The following ARHGEF6 variants were observed in gnomAD, a reference collection of about 807,000 sequenced individuals.
ARHGEF6 encodes the protein rho guanine nucleotide exchange factor 6.
A neutral mutation model predicts 70.3 loss-of-function variants in ARHGEF6; 9 were observed. The observed-to-expected ratio is 0.13, with a 90% confidence interval of 0.08 to 0.22. The LOEUF is 0.22. Ranked by LOEUF, ARHGEF6 falls within the 10% of genes least tolerant of loss-of-function variation. The pLI is 1.00. For missense variants in ARHGEF6, 470 were observed against 563.0 expected, an observed-to-expected ratio of 0.83 and a Z score of 1.67; for synonymous variants, 201 against 207.8, an observed-to-expected ratio of 0.97 and a Z score of 0.28.
intron 2 of ARHGEF6, among the ~76,000 whole-genome samples, chrX:136,774,650 CAAAA>C (rs10712642): frequency 3.5e-5 from 2 of 56,902 alleles, no homozygotes; most frequent in Non-Finnish European, 6.6e-5. Context: ...AACTCTGTCT[CAAAA>C]AAAAAAAAAA....
At position 136,708,743 on chromosome X, in the gene ARHGEF6, T is replaced by G. The variant is rs2148617517; in HGVS notation, c.855A>C (p.Leu285Phe). The G allele has an allele frequency of 8.3e-7, 1 of 1,201,506 alleles. No individual in the cohort carries two copies. Among genetic ancestry groups the G allele is most frequent in the Non-Finnish European group, 1.1e-6 (1 of 887,266 alleles). ...NNLSTVEVTS[L>F]LGNFEEVCTF... Reference sequence around the variant, plus strand: ...TGCATACTTCCTCGAAGTTTCCCAGTAAAGATGTAACCTCCACAGTACTCA... The same window carrying G: ...TGCATACTTCCTCGAAGTTTCCCAGGAAAGATGTAACCTCCACAGTACTCA... Residue 285 changes from leucine (L) to phenylalanine (F), a missense_variant, in exon 8 of 22, where the codon TTA becomes TTC. Transcript: ENST00000250617.
chrX:136,700,424 G>T (rs1165022187), intron 9 of ARHGEF6, among the ~76,000 whole-genome samples: 4 of 111,265 alleles, frequency 3.6e-5, no homozygotes, highest in Admixed American at 1.9e-4. Context: ...CTACTCAGGG[G>T]GCTGAGGCAT....
chrX:136,778,902 A>G (rs1314860373), intron 2 of ARHGEF6, among the ~76,000 whole-genome samples: 2 of 112,250 alleles, frequency 1.8e-5, no homozygotes, highest in Non-Finnish European at 3.8e-5. Context: ...CCTCCCTTTC[A>G]GTAACACTTC....
At chrX:136,741,722 A>G (rs2077044752) in intron 5 of ARHGEF6, among the ~76,000 whole-genome samples, 1 of 111,547 alleles carries the variant, frequency 9.0e-6, no homozygotes, top group South Asian at 3.8e-4. Flanking sequence ...TATTGAAATC[A>G]TTCTAGAGAA....
At chrX:136,685,006 C>T (rs770568640) in intron 12 of ARHGEF6, among the ~76,000 whole-genome samples, 1 of 112,075 alleles carries the variant, frequency 8.9e-6, no homozygotes, top group African/African-American at 3.2e-5. Context: ...ATCTGAACTA[C>T]TCTTGCCTGA....
rs1392774465 is a variant in ARHGEF6, at chrX:136,706,902, A to G, written c.1046+6T>C. The G allele has an allele frequency of 8.3e-7, 1 of 1,211,425 alleles. No individual in the cohort carries two copies. The highest frequency in any genetic ancestry group is 1.1e-6 in the Non-Finnish European group (1 of 895,341). ...TGCAAAAGTTGGGGAAATGTTAACT[A>G]TTTACCTGTGCTGAGTGAGCACATT... On this transcript the variant is annotated splice_donor_region_variant and intron_variant, in intron 9 of 21. Transcript: ENST00000250617.
chrX:136,701,658 T>C (rs2076571627), intron 9 of ARHGEF6, among the ~76,000 whole-genome samples: 1 of 109,120 alleles, frequency 9.2e-6, no homozygotes, highest in Admixed American at 9.8e-5. Flanking sequence ...TGGAAAAAAG[T>C]ATCAAAAATA....
At chrX:136,723,323 A>G (rs942006127) in intron 6 of ARHGEF6, among the ~76,000 whole-genome samples, 2 of 112,123 alleles carry the variant, frequency 1.8e-5, no homozygotes, top group Non-Finnish European at 3.8e-5. Flanking sequence ...TACCTCAGTA[A>G]AGCTATTATT....
At chrX:136,683,362 C>CTT (rs200442059) in intron 12 of ARHGEF6, among the ~76,000 whole-genome samples, 1 of 107,960 alleles carries the variant, frequency 9.3e-6, no homozygotes, top group African/African-American at 3.4e-5. Context: ...GATACACTTT[C>CTT]TTTTTTTTTT....
chrX:136,762,905 C>A (rs143833526), intron 2 of ARHGEF6, among the ~76,000 whole-genome samples: 114 of 111,636 alleles, frequency 1.0e-3, no homozygotes, highest in African/African-American at 3.5e-3. Context: ...ATAGTCCCTG[C>A]ACTGGTATAC....
chrX:136,754,627 A>G (rs754111157), intron 2 of ARHGEF6, among the ~76,000 whole-genome samples: 7 of 110,748 alleles, frequency 6.3e-5, no homozygotes, highest in Non-Finnish European at 1.3e-4. Context: ...AAAAGAAAAA[A>G]GAAGAAGGAA....
chrX:136,713,479 A>G, intron 6 of ARHGEF6, 109 bp from the exon 7 acceptor site: 1 of 550,744 alleles, frequency 1.8e-6, no homozygotes, highest in Non-Finnish European at 3.1e-6. Context: ...CTATTTACTC[A>G]GGCTACCATT....
At chrX:136,716,627 T>A (rs2076739539) in intron 6 of ARHGEF6, among the ~76,000 whole-genome samples, 1 of 112,075 alleles carries the variant, frequency 8.9e-6, no homozygotes, top group African/African-American at 3.2e-5. Context: ...GCATCAGAAC[T>A]TAAGTCAGGT....
At chrX:136,722,268 G>T (rs2076806524) in intron 6 of ARHGEF6, among the ~76,000 whole-genome samples, 1 of 111,438 alleles carries the variant, frequency 9.0e-6, no homozygotes, top group Admixed American at 9.5e-5. Context: ...TTTCAATTTG[G>T]CAATGGATTC....
At chrX:136,684,910 G>C (rs1472058545) in intron 12 of ARHGEF6, among the ~76,000 whole-genome samples, 1 of 111,558 alleles carries the variant, frequency 9.0e-6, no homozygotes, top group Non-Finnish European at 1.9e-5. Context: ...ACATATATAG[G>C]TCGCAGATTA....
intron 10 of ARHGEF6, among the ~76,000 whole-genome samples, chrX:136,690,097 T>C (rs2076443706): frequency 8.9e-6 from 1 of 112,051 alleles, no homozygotes; most frequent in South Asian, 3.8e-4. Context: ...CATCCATTAG[T>C]CTTTAAGGAA....
chrX:136,764,356 C>T (rs982981519), intron 2 of ARHGEF6, among the ~76,000 whole-genome samples: 10 of 111,430 alleles, frequency 9.0e-5, no homozygotes, highest in Non-Finnish European at 1.9e-4. Context: ...TCACAGCAAA[C>T]AAAAACTGGA....
intron 9 of ARHGEF6, among the ~76,000 whole-genome samples, chrX:136,706,115 C>G (rs770498358): frequency 8.9e-6 from 1 of 111,800 alleles, no homozygotes; most frequent in Non-Finnish European, 1.9e-5. Flanking sequence ...TAAGCCTGTC[C>G]TACAGTTTTC....
chrX:136,712,553 T>A (rs1437268007), intron 7 of ARHGEF6, among the ~76,000 whole-genome samples: 1 of 112,265 alleles, frequency 8.9e-6, no homozygotes, highest in Admixed American at 9.4e-5. Context: ...ATTTTCTATA[T>A]GATCATGATC....
Sources: allele counts gnomAD v4.1 joint callset (sites outside exome capture counted in the v4.1 genomes callset), GRCh38; gene constraint gnomAD v4.1.1; transcripts MANE v1.5; gene names NCBI Gene and HGNC (gene_info 2026-07-23, HGNC 2026-07-21).